Variants in MAMDC2 observed in about 807,000 individuals in gnomAD.
MAMDC2 encodes MAM domain-containing protein 2.
MAMDC2 carries 57 observed loss-of-function variants against 89.8 expected under a neutral mutation model. The ratio of observed to expected loss-of-function variants is 0.63; its 90% CI spans 0.51 to 0.79. The LOEUF (loss-of-function observed/expected upper bound fraction) is 0.79, where lower values mean the gene tolerates loss of function less well. MAMDC2 is among the 30% of genes least tolerant of loss of function. The pLI, the probability that MAMDC2 is intolerant of heterozygous loss-of-function variation, is 0.00. For missense variants in MAMDC2, 800 were observed against 820.6 expected (o/e 0.97, Z 0.31); for synonymous variants, 313 against 293.4 (o/e 1.07, Z -0.68).
At position 70,218,261 on chromosome 9, in the gene MAMDC2, C is replaced by T. The variant is rs530828634; in HGVS notation, c.1652-76C>T. The T allele has an allele frequency of 1.2e-4, 174 of 1,495,664 alleles. 1 individual carries two copies. In the South Asian group the frequency reaches 2.2e-3, roughly 19 times the overall value. The allele number at this position is 1,495,664 out of a possible 1,614,324, so 92.6% of individuals were successfully genotyped here. A position where few individuals can be genotyped will look rare whatever the true frequency, so the allele number is the denominator to read the frequency against. On this transcript the variant is annotated intron_variant, in intron 11 of 13. Transcript: ENST00000377182. Reference sequence around the variant, plus strand: ...AGTCAGATCATCTTGACTTGACACTCTGAAAGAACATTATGAAAGGAGAAA... The same window carrying T: ...AGTCAGATCATCTTGACTTGACACTTTGAAAGAACATTATGAAAGGAGAAA...
chr9:70,059,019 A>C (rs1054251127), intron 2 of MAMDC2, among the ~76,000 whole-genome samples: 3 of 152,244 alleles, frequency 2.0e-5, no homozygotes, highest in African/African-American at 7.2e-5. Context: ...AAATTCCAGT[A>C]GAACTATGTT....
At chr9:70,150,781 C>A (rs757631175) in intron 9 of MAMDC2, among the ~76,000 whole-genome samples, 30 of 152,294 alleles carry the variant, frequency 2.0e-4, no homozygotes, top group Non-Finnish European at 3.5e-4. Context: ...TCATTTCTTA[C>A]TTAAATGACT....
At chr9:70,141,030 C>A (rs2031197802) in intron 8 of MAMDC2, among the ~76,000 whole-genome samples, 1 of 152,142 alleles carries the variant, frequency 6.6e-6, no homozygotes, top group African/African-American at 2.4e-5. Flanking sequence ...CATTCACTTA[C>A]TCAACACATA....
At chr9:70,108,627 A>G (rs1828411641) in intron 3 of MAMDC2, 145 bp downstream of exon 3, 2 of 623,886 alleles carry the variant, frequency 3.2e-6, no homozygotes, top group Non-Finnish European at 4.9e-6. Context: ...ATAGAAGAAT[A>G]TTAGCAATGG....
chr9:70,201,940 CTCTT>C (rs1340202629), intron 11 of MAMDC2, among the ~76,000 whole-genome samples: 3 of 148,002 alleles, frequency 2.0e-5, no homozygotes, highest in East Asian at 4.0e-4. Flanking sequence ...TGATTCTTCT[CTCTT>C]TTTTTCTTTA....
intron 2 of MAMDC2, among the ~76,000 whole-genome samples, chr9:70,099,661 G>T (rs1261418633): frequency 6.6e-6 from 1 of 152,086 alleles, no homozygotes; most frequent in Non-Finnish European, 1.5e-5. Context: ...TTCTACATAG[G>T]GGGCAGAAGT....
rs148125796 is a variant in MAMDC2 at position 70,143,542 on chromosome 9, T to A, written c.1139-12T>A. 1 of 1,612,902 alleles carries A rather than the reference T, an allele frequency of 6.2e-7. No individual in the cohort carries two copies. Among genetic ancestry groups the A allele is most frequent in the African/African-American group, 1.3e-5 (1 of 74,994 alleles). On this transcript the variant is annotated splice_polypyrimidine_tract_variant and intron_variant, in intron 8 of 13. Coordinates refer to ENST00000377182, the MANE Select transcript of MAMDC2 (RefSeq NM_153267.5). ...TATTTTGCATTGCTGATATGCTTTA[T>A]CTTCTTTGCAGGGTATTACCTGCTA...
intron 10 of MAMDC2, among the ~76,000 whole-genome samples, chr9:70,169,057 A>G (rs1013773019): frequency 2.6e-5 from 4 of 152,202 alleles, no homozygotes; most frequent in Non-Finnish European, 5.9e-5. Flanking sequence ...TGGGGATAAT[A>G]CATACATTTT....
chr9:70,178,838 C>T (rs1314292753), intron 11 of MAMDC2, among the ~76,000 whole-genome samples: 1 of 152,116 alleles, frequency 6.6e-6, no homozygotes, highest in Non-Finnish European at 1.5e-5. Context: ...AGTGTGAGTT[C>T]ATCAAGAATG....
At chr9:70,096,281 G>A (rs190379867) in intron 2 of MAMDC2, among the ~76,000 whole-genome samples, 293 of 152,182 alleles carry the variant, frequency 1.9e-3, no homozygotes, top group African/African-American at 6.8e-3. Context: ...GCCTCCCAAA[G>A]TGCTGGGATT....
At chr9:70,044,408 G>A (rs925062652) in intron 1 of MAMDC2, among the ~76,000 whole-genome samples, 176 bp from the exon 2 acceptor site, 1 of 150,606 alleles carries the variant, frequency 6.6e-6, no homozygotes, top group Non-Finnish European at 1.5e-5. Flanking sequence ...GGGGGTGGGC[G>A]TGGGGTCGCT....
At chr9:70,185,933 C>G (rs1476057387) in intron 11 of MAMDC2, among the ~76,000 whole-genome samples, 22 of 152,068 alleles carry the variant, frequency 1.4e-4, no homozygotes. Flanking sequence ...GTTGGAAATG[C>G]AAAAATCACT....
intron 2 of MAMDC2, among the ~76,000 whole-genome samples, chr9:70,091,301 A>C (rs936535476): frequency 6.6e-6 from 1 of 152,128 alleles, no homozygotes; most frequent in African/African-American, 2.4e-5. Context: ...GCCCACTGCT[A>C]TGCTGGAGTA....
At chr9:70,161,264 C>T (rs950277732) in intron 9 of MAMDC2, among the ~76,000 whole-genome samples, 1 of 152,178 alleles carries the variant, frequency 6.6e-6, no homozygotes, top group African/African-American at 2.4e-5. Flanking sequence ...GGCCTGTATT[C>T]TATCACAGTG....
chr9:70,117,510 G>A (rs1358150379), intron 5 of MAMDC2, among the ~76,000 whole-genome samples: 1 of 152,116 alleles, frequency 6.6e-6, no homozygotes, highest in Non-Finnish European at 1.5e-5. Flanking sequence ...TAATGTAGAT[G>A]ATGGGTTGAT....
rs2031493539 is a variant in MAMDC2 at position 70,148,933 on chromosome 9, G to A, written c.1404+5114G>A. 2.1e-5 allele frequency among the ~76,000 whole-genome samples: 3 copies of A among 145,268 alleles called. 1 individual carries two copies. The highest frequency in any genetic ancestry group is 4.6e-5 in the Non-Finnish European group (3 of 65,470). On this transcript the variant is annotated intron_variant, in intron 9 of 13. Transcript: ENST00000377182. ...AGTCCCAGCTACTCAGGAGGCTGAG[G>A]CAGGAGAATGGCGTGAACCCGGGAG...
intron 2 of MAMDC2, among the ~76,000 whole-genome samples, chr9:70,098,185 A>G (rs1447407900): frequency 6.6e-6 from 1 of 152,194 alleles, no homozygotes; most frequent in Non-Finnish European, 1.5e-5. Flanking sequence ...TGCCTTGTAC[A>G]AGCTGGTAAC....
chr9:70,135,592 A>T (rs920583138), intron 7 of MAMDC2, among the ~76,000 whole-genome samples: 2 of 152,124 alleles, frequency 1.3e-5, no homozygotes, highest in African/African-American at 4.8e-5. Context: ...GTCTATCACC[A>T]TGGAGAGAAG....
chr9:70,159,343 A>C (rs1178334388), intron 9 of MAMDC2, among the ~76,000 whole-genome samples: 2 of 152,152 alleles, frequency 1.3e-5, no homozygotes, highest in African/African-American at 4.8e-5. Flanking sequence ...GGAAACTACC[A>C]TATTGTCTGT....
Sources: gnomAD v4.1 joint callset for allele counts (sites outside exome capture counted in the v4.1 genomes callset) on GRCh38, gnomAD v4.1.1 for gene constraint, MANE v1.5 for transcripts, NCBI Gene and HGNC (gene_info 2026-07-23, HGNC 2026-07-21) for gene names.